RASSF3: variants seen among roughly 807,000 people sequenced by gnomAD.
The protein encoded by RASSF3 is ras association domain-containing protein 3.
Under a neutral mutation model 19.9 loss-of-function variants are expected in RASSF3, and 19 were observed. The observed-to-expected ratio is 0.96, with a 90% CI of 0.67 to 1.40. The LOEUF is 1.40. RASSF3 is among the 40% of genes most tolerant of loss of function. The pLI, the probability that RASSF3 is intolerant of heterozygous loss-of-function variation, is 0.00. For missense variants in RASSF3, 306 were observed against 289.8 expected, an observed-to-expected ratio of 1.06 and a Z score of -0.41; for synonymous variants, 110 against 104.2, an observed-to-expected ratio of 1.06 and a Z score of -0.34.
intron 2 of RASSF3, among the ~76,000 whole-genome samples, chr12:64,576,807 G>T: frequency 6.7e-6 from 1 of 149,772 alleles, no homozygotes; most frequent in African/African-American, 2.5e-5. Context: ...GCCATGACTG[G>T]GCCACTGCAC....
chr12:64,648,646 C>T (rs1433121276), intron 1 of RASSF3, among the ~76,000 whole-genome samples: 1 of 151,682 alleles, frequency 6.6e-6, no homozygotes, highest in Non-Finnish European at 1.5e-5. Context: ...CAACACCCAG[C>T]TAATTTTTGT....
intron 2 of RASSF3, among the ~76,000 whole-genome samples, chr12:64,557,705 T>C (rs1468972805): frequency 6.6e-6 from 1 of 152,150 alleles, no homozygotes; most frequent in Non-Finnish European, 1.5e-5. Context: ...ACATCTCTGA[T>C]TTAATGCATA....
intron 2 of RASSF3, among the ~76,000 whole-genome samples, chr12:64,560,724 G>A (rs1869332490): frequency 6.6e-6 from 1 of 152,208 alleles, no homozygotes; most frequent in Admixed American, 6.5e-5. Context: ...TGAGTTCTTT[G>A]AGAAGCAGAA....
upstream of RASSF3, among the ~76,000 whole-genome samples, chr12:64,531,065 A>T (rs1337817048): frequency 6.6e-6 from 1 of 151,906 alleles, no homozygotes; most frequent in Non-Finnish European, 1.5e-5. Flanking sequence ...AAGCTTATCA[A>T]TTTTTTCTTC....
intron 2 of RASSF3, among the ~76,000 whole-genome samples, chr12:64,555,980 G>A (rs1869251077): frequency 6.6e-6 from 1 of 152,220 alleles, no homozygotes; most frequent in Admixed American, 6.5e-5. Flanking sequence ...AGAAGCAGAA[G>A]CCAAGATGGG....
intron 1 of RASSF3, among the ~76,000 whole-genome samples, chr12:64,684,202 C>T (rs1873249380): frequency 6.6e-6 from 1 of 150,824 alleles, no homozygotes; most frequent in Non-Finnish European, 1.5e-5. Context: ...GCTCCCACCT[C>T]AGCCTCCTAA....
At chr12:64,619,955 G>T (rs1330803958) in intron 1 of RASSF3, among the ~76,000 whole-genome samples, 1 of 149,730 alleles carries the variant, frequency 6.7e-6, no homozygotes, top group Non-Finnish European at 1.5e-5. Context: ...ACTCCAGCTT[G>T]GGCAACAGAG....
At chr12:64,519,966 C>T (rs752822746) in intron 1 of RASSF3, among the ~76,000 whole-genome samples, 6 of 151,996 alleles carry the variant, frequency 3.9e-5, no homozygotes, top group Non-Finnish European at 8.8e-5. Context: ...CTTCTGTGTA[C>T]GTGACTTTGA....
chr12:64,602,828 G>A (rs567749989), intron 2 of RASSF3, among the ~76,000 whole-genome samples: 1 of 151,700 alleles, frequency 6.6e-6, no homozygotes, highest in East Asian at 2.0e-4. Context: ...TAGGCCAGGC[G>A]TGGTGGCTCA....
At position 64,630,956 on chromosome 12, in the gene RASSF3, G is replaced by A. The variant is rs552365013; in HGVS notation, c.111+20213G>A. Among the ~76,000 whole-genome samples, 17 of 152,324 alleles carry A rather than the reference G, an allele frequency of 1.1e-4. No individual in the cohort carries two copies. In the South Asian group the frequency reaches 3.5e-3, roughly 32 times the overall value. ...ATTTTGAGTGAGTAAATCTGGGCATGTGTGTTTTGAGATGTCTGTGGGCTA... is the reference window on the plus strand; with the variant it reads ...ATTTTGAGTGAGTAAATCTGGGCATATGTGTTTTGAGATGTCTGTGGGCTA... On this transcript the variant is annotated intron_variant, in intron 1 of 4. Coordinates refer to ENST00000542104, the MANE Select transcript of RASSF3 (RefSeq NM_178169.4).
intron 1 of RASSF3, chr12:64,507,364 C>T (rs1868298169): frequency 2.5e-6 from 1 of 398,184 alleles, no homozygotes; most frequent in South Asian, 1.3e-4. Flanking sequence ...TATTTCAAAT[C>T]CGTTTTTTTG....
chr12:64,627,481 A>G lies in RASSF3; in HGVS notation c.111+16738A>G, dbSNP rs1871035081. Among the ~76,000 whole-genome samples, 3 of 152,184 alleles carry G rather than the reference A, an allele frequency of 2.0e-5. No homozygotes were observed. In the South Asian group the frequency reaches 6.2e-4, roughly 32 times the overall value. On this transcript the variant is annotated intron_variant, in intron 1 of 4. Transcript: ENST00000542104. ...TTAAGCCTTCCAGATTATCCTGCCT[A>G]TGAGCTTCACAAGGGCAGACCACAT...
intron 1 of RASSF3, among the ~76,000 whole-genome samples, chr12:64,535,360 T>C (rs1003229595): frequency 6.6e-6 from 1 of 151,610 alleles, no homozygotes; most frequent in Non-Finnish European, 1.5e-5. Context: ...AAGGGATAAA[T>C]AGCTCCCCTT....
At chr12:64,662,235 AT>A (rs1481735973) in intron 1 of RASSF3, among the ~76,000 whole-genome samples, 2 of 144,792 alleles carry the variant, frequency 1.4e-5, no homozygotes, top group African/African-American at 5.2e-5. Context: ...CCTGGTCAAC[AT>A]GGTGAAACCC....
At chr12:64,675,633 T>C (rs1872869790) in intron 1 of RASSF3, among the ~76,000 whole-genome samples, 1 of 152,194 alleles carries the variant, frequency 6.6e-6, no homozygotes, top group African/African-American at 2.4e-5. Flanking sequence ...TGCAAAGCTG[T>C]GTGCCTTGCC....
intron 2 of RASSF3, among the ~76,000 whole-genome samples, chr12:64,581,180 T>C (rs1215735708): frequency 6.6e-6 from 1 of 152,062 alleles, no homozygotes; most frequent in Non-Finnish European, 1.5e-5. Flanking sequence ...AGTTCTTCAT[T>C]TCTTTTGGTA....
chr12:64,657,074 A>C (rs1048428062), intron 1 of RASSF3, among the ~76,000 whole-genome samples: 30 of 144,868 alleles, frequency 2.1e-4, no homozygotes, highest in Admixed American at 5.0e-4. Flanking sequence ...CAATGGTGCT[A>C]TCTTGGCTCA....
downstream of RASSF3, among the ~76,000 whole-genome samples, chr12:64,543,997 T>C (rs1869003512): frequency 6.6e-6 from 1 of 151,874 alleles, no homozygotes; most frequent in Non-Finnish European, 1.5e-5. Flanking sequence ...TGGCTCTCTG[T>C]AAAATGGACC....
chr12:64,694,647 TGC>T (rs1196114539), intron 4 of RASSF3, 114 bp from the exon 5 acceptor site: 12 of 1,142,570 alleles, frequency 1.1e-5, no homozygotes, highest in African/African-American at 1.5e-5. Flanking sequence ...CCACACCTTC[TGC>T]GGCATGGGGC....
Sources: allele counts gnomAD v4.1 joint callset (sites outside exome capture counted in the v4.1 genomes callset), GRCh38; gene constraint gnomAD v4.1.1; transcripts MANE v1.5; gene names NCBI Gene and HGNC (gene_info 2026-07-23, HGNC 2026-07-21).